PSD3: variants seen among roughly 807,000 people sequenced by gnomAD.
PSD3 encodes the protein pleckstrin and Sec7 domain containing 3.
PSD3 carries 49 observed loss-of-function variants against 105.5 expected under a neutral mutation model. The observed-to-expected ratio is 0.46, with a 90% CI of 0.37 to 0.59. The LOEUF (loss-of-function observed/expected upper bound fraction) is 0.59, where lower values mean the gene tolerates loss of function less well. Ranked by LOEUF, PSD3 falls within the 20% of genes least tolerant of loss-of-function variation. The probability of loss-of-function intolerance (pLI) is 0.00; values close to 1 mark genes in which losing one functional copy is unlikely to be tolerated. For missense variants in PSD3, 1,561 were observed against 1,263.8 expected (o/e 1.24, Z -3.57); for synonymous variants, 557 against 457.8 (o/e 1.22, Z -2.77).
chr8:18,970,567 C>T (rs894349088), intron 1 of PSD3, among the ~76,000 whole-genome samples: 30 of 152,088 alleles, frequency 2.0e-4, no homozygotes, highest in African/African-American at 6.8e-4. Context: ...TCCTGGCATG[C>T]TCCCCGTCCA....
At chr8:18,948,175 T>A (rs1822985362) in intron 1 of PSD3, among the ~76,000 whole-genome samples, 1 of 152,216 alleles carries the variant, frequency 6.6e-6, no homozygotes, top group African/African-American at 2.4e-5. Flanking sequence ...TGACCTTTTT[T>A]GCCTTCCTCA....
At chr8:18,992,873 C>T (rs1347495290) in intron 1 of PSD3, among the ~76,000 whole-genome samples, 2 of 150,496 alleles carry the variant, frequency 1.3e-5, no homozygotes, top group African/African-American at 4.9e-5. Flanking sequence ...TCCGTCTGAG[C>T]TCTGATATTG....
At chr8:18,540,070 G>A (rs531796147) in intron 15 of PSD3, among the ~76,000 whole-genome samples, 17 of 152,278 alleles carry the variant, frequency 1.1e-4, no homozygotes, top group East Asian at 3.9e-4. Context: ...TAAAGCAGGC[G>A]TGATGACCCT....
At chr8:18,689,137 G>T (rs1052394214) in intron 9 of PSD3, among the ~76,000 whole-genome samples, 1 of 152,154 alleles carries the variant, frequency 6.6e-6, no homozygotes, top group South Asian at 2.1e-4. Flanking sequence ...CCAGAGAAAT[G>T]AACTCAATAC....
intron 9 of PSD3, among the ~76,000 whole-genome samples, chr8:18,750,332 G>A (rs1356199020): frequency 6.6e-6 from 1 of 151,948 alleles, no homozygotes; most frequent in Non-Finnish European, 1.5e-5. Context: ...TGGTGGGTTC[G>A]TGGTCTCGCT....
At chr8:18,735,819 T>C (rs6996474) in intron 9 of PSD3, among the ~76,000 whole-genome samples, 142,338 of 152,194 alleles carry the variant, frequency 0.94, 66,628 homozygotes, top group African/African-American at 0.96. Context: ...GCACCAGAAA[T>C]TTTCTGTTTA....
At chr8:19,060,103 C>CTG (rs1335015500) in intron 1 of PSD3, among the ~76,000 whole-genome samples, 51 of 152,310 alleles carry the variant, frequency 3.3e-4, no homozygotes, top group Admixed American at 2.5e-3. Flanking sequence ...TCTGAAAATC[C>CTG]AGGTTTTTGC....
intron 1 of PSD3, among the ~76,000 whole-genome samples, chr8:19,013,026 G>C (rs1827027149): frequency 6.6e-6 from 1 of 152,016 alleles, no homozygotes; most frequent in East Asian, 1.9e-4. Flanking sequence ...AAAAAATTCA[G>C]AACATCATTC....
At chr8:18,852,618 G>A (rs999045455) in intron 4 of PSD3, among the ~76,000 whole-genome samples, 2 of 152,098 alleles carry the variant, frequency 1.3e-5, no homozygotes, top group African/African-American at 4.8e-5. Context: ...TCCTCTCCCA[G>A]CCCCCGTTGC....
intron 4 of PSD3, among the ~76,000 whole-genome samples, chr8:18,817,860 G>C (rs529158398): frequency 2.5e-4 from 38 of 152,142 alleles, no homozygotes; most frequent in African/African-American, 8.2e-4. Flanking sequence ...AGAATGCAGC[G>C]GTGAAGAGGG....
At chr8:19,083,682 C>T (rs1829714818) in intron 1 of PSD3, among the ~76,000 whole-genome samples, 1 of 152,200 alleles carries the variant, frequency 6.6e-6, no homozygotes, top group African/African-American at 2.4e-5. Context: ...TGGAGCCTCC[C>T]CCATTGTTCC....
intron 2 of PSD3, among the ~76,000 whole-genome samples, chr8:18,921,722 G>A (rs755282944): frequency 6.6e-6 from 1 of 152,198 alleles, no homozygotes; most frequent in African/African-American, 2.4e-5. Flanking sequence ...TGGAACACAT[G>A]GGCAAAAGTA....
intron 1 of PSD3, among the ~76,000 whole-genome samples, chr8:19,060,648 A>ACAG (rs1313258625): frequency 2.0e-5 from 3 of 152,146 alleles, no homozygotes; most frequent in African/African-American, 7.2e-5. Flanking sequence ...AACAACAACA[A>ACAG]CAGCAACAAA....
At chr8:18,755,250 G>GA (rs895546221) in intron 9 of PSD3, among the ~76,000 whole-genome samples, 3 of 151,972 alleles carry the variant, frequency 2.0e-5, no homozygotes, top group African/African-American at 7.3e-5. Flanking sequence ...TCAACATGGT[G>GA]AAACCCCTGT....
chr8:18,911,351 C>T (rs1586399355), intron 2 of PSD3, among the ~76,000 whole-genome samples: 1 of 152,202 alleles, frequency 6.6e-6, no homozygotes, highest in East Asian at 1.9e-4. Context: ...AGCACACTGT[C>T]ACTTGGGAGC....
At chr8:18,763,854 C>G (rs1024812584) in intron 9 of PSD3, among the ~76,000 whole-genome samples, 1 of 152,026 alleles carries the variant, frequency 6.6e-6, no homozygotes, top group Non-Finnish European at 1.5e-5. Flanking sequence ...TAACCACCAC[C>G]ATTTTCGGTA....
At position 18,936,286 on chromosome 8, in the gene PSD3, A is replaced by G. The variant is rs1007939183; in HGVS notation, c.22-144T>C. 8.5e-6 allele frequency: 5 copies of G among 586,974 alleles called. No homozygotes were observed. The Admixed American group carries it at 8.7e-5, about 10-fold the overall frequency. 36.4% of individuals were successfully genotyped at this position (586,974 alleles called of 1,614,324 possible). On this transcript the variant is annotated intron_variant, in intron 1 of 15. Coordinates refer to ENST00000327040, the MANE Select transcript of PSD3 (RefSeq NM_015310.4). Reference sequence around the variant, plus strand: ...TCTAACCATTCAAAATGAAACATGAAAAGTGTAACATGAAAAGAATCAGAA... The same window carrying G: ...TCTAACCATTCAAAATGAAACATGAGAAGTGTAACATGAAAAGAATCAGAA...
At chr8:18,868,106 G>C in intron 3 of PSD3, 37 bp from the exon 4 acceptor site, 1 of 1,536,214 alleles carries the variant, frequency 6.5e-7, no homozygotes, top group Non-Finnish European at 8.8e-7. Flanking sequence ...TCCAATATTA[G>C]GTTAATGTCT....
intron 2 of PSD3, among the ~76,000 whole-genome samples, chr8:18,934,805 A>G (rs954930218): frequency 3.3e-5 from 5 of 152,180 alleles, no homozygotes; most frequent in African/African-American, 1.2e-4. Context: ...TATTAACCAC[A>G]TGCAATAGCC....
Sources: allele counts gnomAD v4.1 joint callset (sites outside exome capture counted in the v4.1 genomes callset), GRCh38; gene constraint gnomAD v4.1.1; transcripts MANE v1.5; gene names NCBI Gene and HGNC (gene_info 2026-07-23, HGNC 2026-07-21).